CBARP: variants seen among roughly 807,000 people sequenced by gnomAD.
The protein encoded by CBARP is voltage-dependent calcium channel beta subunit-associated regulatory protein.
In CBARP, 24 loss-of-function variants were observed where a neutral mutation model predicts 36.3. That is an observed-to-expected ratio of 0.66 (90% CI 0.48 to 0.93). The LOEUF is 0.93. Among genes scored for constraint, CBARP ranks in the 40% least tolerant of loss-of-function variants. The pLI is 0.00. For missense variants in CBARP, 1,146 were observed against 980.4 expected (o/e 1.17, Z -2.26); for synonymous variants, 586 against 453.2 (o/e 1.29, Z -3.72).
intron 9 of CBARP, chr19:1,230,481 TG>T: frequency 1.0e-6 from 1 of 1,002,100 alleles, no homozygotes; most frequent in Non-Finnish European, 1.2e-6. Flanking sequence ...CCGCAGGGGA[TG>T]GACTGGACGC....
At chr19:1,235,969 C>T (rs1402077865) in intron 2 of CBARP, 27 bp downstream of exon 2, 2 of 1,583,560 alleles carry the variant, frequency 1.3e-6, no homozygotes. Flanking sequence ...CGACCTCCTG[C>T]CCCTCCCACC....
chr19:1,236,778 A>G (rs374564340), intron 1 of CBARP, among the ~76,000 whole-genome samples: 1 of 148,606 alleles, frequency 6.7e-6, no homozygotes, highest in Non-Finnish European at 1.5e-5. Context: ...TCCCATGGCG[A>G]CTGCGGAGCA....
chr19:1,229,863 G>A lies in CBARP; in HGVS notation c.1434C>T (p.Pro478=). Residue 478 remains proline, a synonymous_variant, in exon 10 of 10, where the codon CCC becomes CCT. Transcript: ENST00000650044. This position sits in a 1 kb window ranked among gnomAD's most constrained non-coding sequence, Gnocchi z 5.1. ...CGGGCGGGGAGGGCGGCGGGAAGGC[G>A]GGCGCCGCGCCCCCGGAGCCTGAGC... ...SSGSGSGGAA[P]AFPPPSPPAP... is the part of the protein sequence containing the mutation. The A allele has an allele frequency of 1.0e-5, 10 of 989,428 alleles. No homozygotes were observed. The highest frequency in any genetic ancestry group is 1.2e-5 in the Non-Finnish European group (10 of 832,932). The allele number at this position is 989,428 out of a possible 1,614,324, so 61.3% of individuals were successfully genotyped here.
chr19:1,230,339 C>T (rs1243977013), intron 9 of CBARP, 197 bp from the exon 10 acceptor site: 3 of 986,410 alleles, frequency 3.0e-6, no homozygotes, highest in African/African-American at 3.5e-5. Context: ...GCTGTGGCGC[C>T]TGCTTATTAA....
At position 1,236,114 on chromosome 19, in the gene CBARP, G is replaced by T; in HGVS notation, c.-14C>A. ...TGTGGGCTGCATTCTGAACTGGGGAGGAGGGCCCTGTGGGGAGGAAGCCTG... is the reference window on the plus strand; with the variant it reads ...TGTGGGCTGCATTCTGAACTGGGGATGAGGGCCCTGTGGGGAGGAAGCCTG... On this transcript the variant is annotated 5_prime_UTR_variant, in exon 2 of 10. Transcript: ENST00000650044. 2 of 1,435,494 alleles carry T rather than the reference G, an allele frequency of 1.4e-6. No individual in the cohort carries two copies. The highest frequency in any genetic ancestry group is 1.8e-6 in the Non-Finnish European group (2 of 1,098,114). 88.9% of individuals were successfully genotyped at this position (1,435,494 alleles called of 1,614,324 possible).
rs200289055 is a variant in CBARP, at chr19:1,235,591, G to A, written c.246-26C>T. The A allele has an allele frequency of 8.6e-5, 138 of 1,601,906 alleles. 1 individual carries two copies. The Admixed American group carries it at 2.3e-3, about 27-fold the overall frequency. ...CTGGGAGAGACGTTGGGAGAGCCCAGTGGCACGGAGGGCCCAGATAGCCAC... is the reference window on the plus strand; with the variant it reads ...CTGGGAGAGACGTTGGGAGAGCCCAATGGCACGGAGGGCCCAGATAGCCAC... On this transcript the variant is annotated intron_variant, in intron 3 of 9. Coordinates refer to ENST00000650044, the MANE Select transcript of CBARP (RefSeq NM_001393918.1).
chr19:1,233,571 C>T lies in CBARP; in HGVS notation c.834G>A (p.Ala278=), dbSNP rs777599615. Residue 278 remains alanine, a synonymous_variant, in exon 8 of 10, where the codon GCG becomes GCA. Transcript: ENST00000650044. The part of the protein sequence containing the change: ...GPGAAAGPGE[A]GPGSGAGTVL... Reference sequence around the variant, plus strand: ...CGGTACCTGCCCCGGATCCCGGGCCCGCCTCCCCAGGCCCTGCTGCAGCCC... The same window carrying T: ...CGGTACCTGCCCCGGATCCCGGGCCTGCCTCCCCAGGCCCTGCTGCAGCCC... The T allele has an allele frequency of 1.1e-4, 175 of 1,610,238 alleles. No homozygotes were observed. Among genetic ancestry groups the T allele is most frequent in the Non-Finnish European group, 1.3e-4 (159 of 1,179,058 alleles).
intron 4 of CBARP, 151 bp from the exon 5 acceptor site, chr19:1,235,296 C>T (rs1274420694): frequency 8.5e-6 from 9 of 1,058,588 alleles, no homozygotes; most frequent in Non-Finnish European, 1.0e-5. Flanking sequence ...ACTCGTCCAT[C>T]CGCTCACACA....
intron 1 of CBARP, among the ~76,000 whole-genome samples, chr19:1,236,421 G>A (rs956525881): frequency 1.3e-5 from 2 of 152,200 alleles, no homozygotes; most frequent in East Asian, 1.9e-4. Context: ...GCAAGGTAGC[G>A]CCAGGCCCTG....
intron 9 of CBARP, chr19:1,230,374 C>T (rs2080874192): frequency 1.0e-6 from 1 of 987,024 alleles, no homozygotes; most frequent in Middle Eastern, 5.2e-4. Context: ...TGCTGGACTG[C>T]AGACGGCGGG....
At position 1,234,676 on chromosome 19, in the gene CBARP, C is replaced by G; in HGVS notation, c.522G>C (p.Pro174=). ...CGTGGATGGTGACAATCTTGAGGGG[C>G]GGCAGGTGCAGGTGCGTGAGCCGGG... ...KNARLTHLHL[P]PLKIVTIHEC... Residue 174 remains proline, a synonymous_variant, in exon 6 of 10, where the codon CCG becomes CCC. Coordinates refer to ENST00000650044, the MANE Select transcript of CBARP (RefSeq NM_001393918.1). 6.2e-7 allele frequency: 1 copy of G among 1,612,638 alleles called. No individual in the cohort carries two copies.
chr19:1,229,887 G>A lies in CBARP; in HGVS notation c.1410C>T (p.Gly470=), dbSNP rs755216159. 42 of 1,050,284 alleles carry A rather than the reference G, an allele frequency of 4.0e-5. No homozygotes were observed. In the South Asian group the frequency reaches 6.6e-4, roughly 16 times the overall value. The allele number at this position is 1,050,284 out of a possible 1,614,324, so 65.1% of individuals were successfully genotyped here. Residue 470 remains glycine, a synonymous_variant, in exon 10 of 10, where the codon GGC becomes GGT. Transcript: ENST00000650044. The surrounding 1 kb of genome is among the most constrained non-coding windows in gnomAD (Gnocchi z 5.1). ...CGGGCGCCGCGCCCCCGGAGCCTGA[G>A]CCCGAGCTGTCGCCGCTGCGCACCG... ...RDSVRSGDSS[G]SGSGGAAPAF...
At position 1,229,382 on chromosome 19, in the gene CBARP, CG is replaced by C; in HGVS notation, c.1914del (p.Ala639ProfsTer189). ...GGCTCCTCCTCGATGACGGGGATGG[CG>C]GGGTCGTCGCCGGCGCCGCCCAGGG... ...GRTLGGAGDD[P>X]AIPVIEEEPG... On this transcript the variant is annotated frameshift_variant, in exon 10 of 10. Coordinates refer to ENST00000650044, the MANE Select transcript of CBARP (RefSeq NM_001393918.1). LOFTEE classifies it low-confidence loss of function (END_TRUNC). This position sits in a 1 kb window ranked among gnomAD's most constrained non-coding sequence, Gnocchi z 5.1. 2.6e-6 allele frequency: 3 copies of C among 1,138,686 alleles called. No individual in the cohort carries two copies. The highest frequency in any genetic ancestry group is 1.6e-5 in the South Asian group (1 of 62,024). The allele number at this position is 1,138,686 out of a possible 1,614,324, so 70.5% of individuals were successfully genotyped here. A position where few individuals can be genotyped will look rare whatever the true frequency, so the allele number is the denominator to read the frequency against.
chr19:1,237,447 G>A (rs1182367177), intron 1 of CBARP, among the ~76,000 whole-genome samples: 49 of 152,188 alleles, frequency 3.2e-4, no homozygotes, highest in Admixed American at 3.0e-3. Context: ...TCCCCACGGG[G>A]CAGCACCGCG....
rs777189721 is a variant in CBARP, at chr19:1,234,286, C to T, written c.673G>A (p.Ala225Thr). ...LTGRSVGPSSALPGDPYNSAA... is the reference protein window; with the variant it reads ...LTGRSVGPSSTLPGDPYNSAA... ...GAGTTGTAGGGGTCACCTGGCAGGG[C>T]GGAGCTGGGGCCCACAGAGCGGCCG... is the stretch of plus-strand genomic sequence containing the variant. Residue 225 changes from alanine to threonine, a missense_variant, in exon 7 of 10, where the codon GCC (alanine) becomes ACC (threonine). Transcript: ENST00000650044. 1.4e-5 allele frequency: 20 copies of T among 1,451,522 alleles called. No individual in the cohort carries two copies. The highest frequency in any genetic ancestry group is 4.3e-5 in the African/African-American group (3 of 69,792). 89.9% of individuals were successfully genotyped at this position (1,451,522 alleles called of 1,614,324 possible). A position where few individuals can be genotyped will look rare whatever the true frequency, so the allele number is the denominator to read the frequency against.
At chr19:1,232,703 G>A (rs2080909903) in intron 8 of CBARP, among the ~76,000 whole-genome samples, 1 of 152,250 alleles carries the variant, frequency 6.6e-6, no homozygotes, top group Non-Finnish European at 1.5e-5. Context: ...CAGCCCAGAG[G>A]GCAAAAGCAC....
rs745953008 is a variant in CBARP, at chr19:1,233,635, A to G, written c.770T>C (p.Leu257Ser). Residue 257 changes from leucine to serine, a missense_variant and splice_region_variant, in exon 8 of 10, where the codon TTG becomes TCG. By Grantham distance (145) the Leu-to-Ser change is moderately radical. Coordinates refer to ENST00000650044, the MANE Select transcript of CBARP (RefSeq NM_001393918.1). Reference sequence around the variant, plus strand: ...CTTGGTGCTCCTGGTACCGGCATCCAACTGGCAGGGAACAGAGATGGCGCT... The same window carrying G: ...CTTGGTGCTCCTGGTACCGGCATCCGACTGGCAGGGAACAGAGATGGCGCT... ...ASSDSGEGTS[L>S]DAGTRSTKAG... 4 of 1,607,370 alleles carry G rather than the reference A, an allele frequency of 2.5e-6. No homozygotes were observed. The highest frequency in any genetic ancestry group is 1.7e-6 in the Non-Finnish European group (2 of 1,177,708).
At chr19:1,234,069 G>T (rs2080929132) in intron 7 of CBARP, 122 bp downstream of exon 7, 1 of 1,189,806 alleles carries the variant, frequency 8.4e-7, no homozygotes, top group Non-Finnish European at 1.1e-6. Context: ...ATGACCCGGC[G>T]GGCCAAGGAG....
Position 1,234,264 on chromosome 19 carries a change from T to C in CBARP, c.695A>G (p.Asn232Ser), listed in dbSNP as rs2080932705. The change falls in exon 7 of 10, where the codon AAC (asparagine) becomes AGC (serine). Residue 232 changes from asparagine (N) to serine (S), a missense_variant. Transcript: ENST00000650044. ...PSSALPGDPY[N>S]SAAGATDFAE... ...GAAGTCAGTGGCGCCCGCGGCTGAG[T>C]TGTAGGGGTCACCTGGCAGGGCGGA... 1 of 1,452,972 alleles carries C rather than the reference T, an allele frequency of 6.9e-7. No homozygotes were observed. The highest frequency in any genetic ancestry group is 2.5e-5 in the East Asian group (1 of 39,224). The allele number at this position is 1,452,972 out of a possible 1,614,324, so 90.0% of individuals were successfully genotyped here.
Sources: gnomAD v4.1 joint callset for allele counts (sites outside exome capture counted in the v4.1 genomes callset) on GRCh38, gnomAD v4.1.1 for gene constraint, Gnocchi (gnomAD v3.1) non-coding constraint, MANE v1.5 for transcripts, NCBI Gene and HGNC (gene_info 2026-07-23, HGNC 2026-07-21) for gene names.